Variants in KDM6A observed in about 807,000 individuals in gnomAD.
The protein encoded by KDM6A is lysine-specific demethylase 6A.
Under a neutral mutation model 117.6 loss-of-function variants are expected in KDM6A, and 11 were observed. The observed-to-expected ratio is 0.09, with a 90% CI of 0.06 to 0.15. The LOEUF is 0.15. KDM6A is among the 10% of genes least tolerant of loss of function. KDM6A has a pLI of 1.00. For synonymous variants in KDM6A, 384 were observed against 396.1 expected (o/e 0.97, Z 0.36); for missense variants, 799 against 1,077.3 (o/e 0.74, Z 3.62).
intron 2 of KDM6A, among the ~76,000 whole-genome samples, chrX:44,907,457 G>T (rs1453245262): frequency 2.5e-4 from 25 of 101,599 alleles, no homozygotes; most frequent in Non-Finnish European, 4.1e-4. Context: ...GTGTGTGTGT[G>T]TGTGTGTGTG....
At chrX:45,081,561 A>G (rs1010317003) in intron 21 of KDM6A, among the ~76,000 whole-genome samples, 3 of 111,604 alleles carry the variant, frequency 2.7e-5, no homozygotes, top group Admixed American at 1.9e-4. Context: ...ATCTTCCACT[A>G]TTACACATAT....
At chrX:45,045,313 C>T (rs1392772192) in intron 8 of KDM6A, among the ~76,000 whole-genome samples, 4 of 110,987 alleles carry the variant, frequency 3.6e-5, no homozygotes, top group South Asian at 3.8e-4. Context: ...ATCTGCCAGG[C>T]GTGGTGGCTC....
chrX:44,993,102 G>A (rs1364785419), intron 4 of KDM6A, among the ~76,000 whole-genome samples: 2 of 111,745 alleles, frequency 1.8e-5, no homozygotes, highest in Non-Finnish European at 3.8e-5. Context: ...GGTCAAAAAA[G>A]TGATGTCAAA....
intron 2 of KDM6A, among the ~76,000 whole-genome samples, chrX:44,936,245 C>T (rs1428673470): frequency 9.0e-6 from 1 of 110,840 alleles, no homozygotes; most frequent in Non-Finnish European, 1.9e-5. Context: ...GTATTTGGGG[C>T]CCACCCAGAT....
At chrX:45,109,372 T>C (rs765544522) in intron 28 of KDM6A, among the ~76,000 whole-genome samples, 18 of 111,108 alleles carry the variant, frequency 1.6e-4, no homozygotes, top group Middle Eastern at 4.7e-3. Flanking sequence ...TTGCTGCTTG[T>C]TGACAGTAAT....
intron 27 of KDM6A, among the ~76,000 whole-genome samples, chrX:45,094,258 A>G (rs1488099128): frequency 8.9e-6 from 1 of 112,055 alleles, no homozygotes; most frequent in Non-Finnish European, 1.9e-5. Flanking sequence ...CAGTTAGTGC[A>G]TATAAATAAA....
Position 45,105,268 on chromosome X carries a change from C to T in KDM6A, c.4035-2142C>T, listed in dbSNP as rs1225092695. On this transcript the variant is annotated intron_variant, in intron 27 of 29. Transcript: ENST00000611820. ...ACATTAGACAAACTTAACTTCTCTG[C>T]GCTCCTTTTTCCCCATTTGCAAGAT... 4.5e-5 allele frequency among the ~76,000 whole-genome samples: 5 copies of T among 112,095 alleles called. No individual in the cohort carries two copies. The Admixed American group carries it at 4.7e-4, about 11-fold the overall frequency.
At chrX:44,944,542 T>A (rs955584711) in intron 2 of KDM6A, among the ~76,000 whole-genome samples, 2 of 111,751 alleles carry the variant, frequency 1.8e-5, no homozygotes, top group African/African-American at 6.5e-5. Context: ...GTCTCCCAAT[T>A]TCATGAACAC....
At chrX:44,953,097 C>T (rs1025014621) in intron 2 of KDM6A, among the ~76,000 whole-genome samples, 1 of 109,070 alleles carries the variant, frequency 9.2e-6, no homozygotes, top group African/African-American at 3.3e-5. Flanking sequence ...TGTTCTTAAG[C>T]GAGGAAAGAG....
intron 5 of KDM6A, among the ~76,000 whole-genome samples, chrX:45,014,997 G>A (rs1389259809): frequency 5.4e-5 from 6 of 111,893 alleles, no homozygotes; most frequent in Admixed American, 9.4e-5. Context: ...ACATAAAAAA[G>A]GATTAGGAGA....
intron 2 of KDM6A, among the ~76,000 whole-genome samples, chrX:44,933,516 G>T (rs1168996492): frequency 9.3e-6 from 1 of 107,844 alleles, no homozygotes; most frequent in African/African-American, 3.4e-5. Flanking sequence ...CTCATGATCC[G>T]CTAGTCTCAG....
chrX:45,044,710 C>T (rs948169003), intron 8 of KDM6A, among the ~76,000 whole-genome samples: 3 of 111,996 alleles, frequency 2.7e-5, no homozygotes, highest in South Asian at 3.7e-4. Flanking sequence ...TCTTGGAAAT[C>T]ATTCTGTATC....
At chrX:45,038,704 G>T in intron 8 of KDM6A, among the ~76,000 whole-genome samples, 1 of 109,886 alleles carries the variant, frequency 9.1e-6, no homozygotes, top group East Asian at 2.9e-4. Flanking sequence ...AACCACCATG[G>T]CACATGTATA....
intron 2 of KDM6A, among the ~76,000 whole-genome samples, 164 bp from the exon 3 acceptor site, chrX:44,961,120 G>T (rs887421848): frequency 5.4e-5 from 6 of 111,614 alleles, no homozygotes; most frequent in African/African-American, 2.0e-4. Flanking sequence ...TAGGGAAGCT[G>T]TTCCTTCTAT....
intron 2 of KDM6A, among the ~76,000 whole-genome samples, chrX:44,910,706 C>G (rs1025697703): frequency 3.7e-5 from 4 of 109,537 alleles, no homozygotes; most frequent in South Asian, 3.9e-4. Flanking sequence ...TGACTCTTAA[C>G]GAGCATGCTG....
Position 45,070,039 on chromosome X carries a change from G to A in KDM6A, c.2540G>A (p.Gly847Glu), listed in dbSNP as rs2044747454. 1 of 1,211,465 alleles carries A rather than the reference G, an allele frequency of 8.3e-7. No individual in the cohort carries two copies. The highest frequency in any genetic ancestry group is 1.1e-6 in the Non-Finnish European group (1 of 895,317). Residue 847 changes from glycine to glutamate, a missense_variant, in exon 18 of 30, where the codon GGA (glycine) becomes GAA (glutamate). By Grantham distance (98) the Gly-to-Glu change is moderately conservative (BLOSUM62 -2). Around this residue, in one of 8 missense-constraint regions of KDM6A, gnomAD observed 301 missense variants for 318.3 expected, o/e 0.95. Coordinates refer to ENST00000611820, the MANE Select transcript of KDM6A (RefSeq NM_001291415.2). ...AAAGCCAATAACAATGTGGGTACTGGAACCTGTGACAAAGTCAATAACATC... is the reference window on the plus strand; with the variant it reads ...AAAGCCAATAACAATGTGGGTACTGAAACCTGTGACAAAGTCAATAACATC... The part of the protein sequence containing the change: ...MGKANNNVGT[G>E]TCDKVNNIHP...
chrX:44,987,776 A>C (rs1203634767), intron 4 of KDM6A, among the ~76,000 whole-genome samples: 3 of 111,395 alleles, frequency 2.7e-5, no homozygotes, highest in Non-Finnish European at 5.6e-5. Context: ...CTGAGAGATC[A>C]GCTGTTAGTC....
chrX:44,912,407 C>CA (rs1239750306), intron 2 of KDM6A, among the ~76,000 whole-genome samples: 5 of 111,860 alleles, frequency 4.5e-5, no homozygotes, highest in African/African-American at 1.6e-4. Flanking sequence ...AACTTTTAAA[C>CA]AGTGTTTATT....
intron 2 of KDM6A, among the ~76,000 whole-genome samples, chrX:44,909,673 A>C (rs1163955719): frequency 8.9e-6 from 1 of 112,238 alleles, no homozygotes; most frequent in East Asian, 2.8e-4. Context: ...CAAAAAGGAA[A>C]GGTCTTTAAG....
Sources: allele counts gnomAD v4.1 joint callset (sites outside exome capture counted in the v4.1 genomes callset), GRCh38; gene constraint gnomAD v4.1.1; regional missense constraint gnomAD v4.1.1; transcripts MANE v1.5; gene names NCBI Gene and HGNC (gene_info 2026-07-23, HGNC 2026-07-21).